ERCC1: variants seen among roughly 807,000 people sequenced by gnomAD.
ERCC1 encodes the protein ERCC excision repair 1, endonuclease non-catalytic subunit.
Under a neutral mutation model 37.6 loss-of-function variants are expected in ERCC1, and 36 were observed. The observed-to-expected ratio is 0.96, with a 90% CI of 0.73 to 1.26. The LOEUF is 1.26. ERCC1 is among the 50% of genes most tolerant of loss of function. The probability of loss-of-function intolerance (pLI) is 0.00; values close to 1 mark genes in which losing one functional copy is unlikely to be tolerated. For missense variants in ERCC1, 349 were observed against 376.5 expected (o/e 0.93, Z 0.60); for synonymous variants, 156 against 162.1 (o/e 0.96, Z 0.28).
At chr19:45,419,993 C>T (rs1392730308) in intron 4 of ERCC1, among the ~76,000 whole-genome samples, 2 of 149,652 alleles carry the variant, frequency 1.3e-5, no homozygotes, top group East Asian at 4.0e-4. Flanking sequence ...GGCCCCCAGC[C>T]CCTCCTGCCT....
At chr19:45,419,373 G>A (rs928987961) in intron 4 of ERCC1, 176 bp from the exon 5 acceptor site, 15 of 609,194 alleles carry the variant, frequency 2.5e-5, no homozygotes, top group African/African-American at 5.5e-5. Flanking sequence ...AAGATGCTCC[G>A]CAGGGATTGG....
chr19:45,434,536 T>C (rs1418945206), intron 1 of ERCC1, among the ~76,000 whole-genome samples: 1 of 152,098 alleles, frequency 6.6e-6, no homozygotes, highest in East Asian at 1.9e-4. Flanking sequence ...CTCTCTTGCC[T>C]TCCAATCGTT....
chr19:45,419,515 T>C (rs142465792), intron 4 of ERCC1: 3 of 368,470 alleles, frequency 8.1e-6, no homozygotes, highest in East Asian at 1.2e-4. Context: ...ACGGGGACAC[T>C]GCATGGCTCG....
chr19:45,414,962 T>TGGGATAAC lies in ERCC1; in HGVS notation c.603-10_603-3dup, dbSNP rs1568579108. 6.2e-7 allele frequency: 1 copy of TGGGATAAC among 1,611,210 alleles called. No homozygotes were observed. The highest frequency in any genetic ancestry group is 1.7e-5 in the Admixed American group (1 of 59,962). ...AGGTACCGCCCAGCTTCCTCGGGGC[T>TGGGATAAC]GGGATAACAGGATACAGGGCAGCCG... On this transcript the variant is annotated splice_polypyrimidine_tract_variant and splice_region_variant and intron_variant, in intron 6 of 9. Coordinates refer to ENST00000300853, the MANE Select transcript of ERCC1 (RefSeq NM_001983.4).
At chr19:45,450,984 G>C (rs1967103999) in intron 1 of ERCC1, among the ~76,000 whole-genome samples, 3 of 151,382 alleles carry the variant, frequency 2.0e-5, no homozygotes, top group African/African-American at 7.3e-5. Context: ...GTCCCGGGCT[G>C]GGTGGCGCGG....
intron 1 of ERCC1, among the ~76,000 whole-genome samples, chr19:45,431,588 A>C (rs1368132477): frequency 6.6e-6 from 1 of 151,850 alleles, no homozygotes; most frequent in Non-Finnish European, 1.5e-5. Context: ...AAGGCAGGAG[A>C]ATCACTTGAA....
At chr19:45,444,277 C>A (rs1975198784) in intron 1 of ERCC1, among the ~76,000 whole-genome samples, 1 of 127,976 alleles carries the variant, frequency 7.8e-6, no homozygotes, top group Non-Finnish European at 1.7e-5. Context: ...CCCCCTCCCC[C>A]AGCCAGCCGC....
chr19:45,408,828 C>T lies in ERCC1; in HGVS notation c.*847G>A. On this transcript the variant is annotated 3_prime_UTR_variant, in exon 10 of 10. Coordinates refer to ENST00000300853, the MANE Select transcript of ERCC1 (RefSeq NM_001983.4). ...CTAGAAGACACAGTCCTGTCCCCGA[C>T]CAAAAAGAGAAAGAGGCAAAAGGGG... is the stretch of plus-strand genomic sequence containing the variant. 1 of 1,613,942 alleles carries T rather than the reference C, an allele frequency of 6.2e-7. No individual in the cohort carries two copies. Among genetic ancestry groups the T allele is most frequent in the Non-Finnish European group, 8.5e-7 (1 of 1,179,996 alleles).
chr19:45,411,990 G>GA (rs1247195006), intron 9 of ERCC1, among the ~76,000 whole-genome samples: 2 of 151,574 alleles, frequency 1.3e-5, no homozygotes, highest in Admixed American at 6.6e-5. Flanking sequence ...CCGAGTAGCT[G>GA]GGACTACAGG....
upstream of ERCC1, among the ~76,000 whole-genome samples, chr19:45,425,616 C>T (rs1974669271): frequency 6.6e-6 from 1 of 151,990 alleles, no homozygotes; most frequent in South Asian, 2.1e-4. Context: ...GTGATCTGCC[C>T]ACCTCAGCCT....
intron 1 of ERCC1, among the ~76,000 whole-genome samples, chr19:45,444,209 T>C (rs922008522): frequency 2.0e-5 from 3 of 150,920 alleles, no homozygotes; most frequent in African/African-American, 7.3e-5. Flanking sequence ...TTCCCTCCTG[T>C]CTCCTCGAAC....
chr19:45,413,328 A>G (rs1973852887), intron 9 of ERCC1: 2 of 555,746 alleles, frequency 3.6e-6, no homozygotes, highest in Non-Finnish European at 6.4e-6. Flanking sequence ...GCGTAGTAAC[A>G]TGCTTATAGC....
chr19:45,441,026 A>C (rs993148121), intron 1 of ERCC1, among the ~76,000 whole-genome samples: 5 of 152,168 alleles, frequency 3.3e-5, no homozygotes, highest in Non-Finnish European at 4.4e-5. Flanking sequence ...GACAGGCATG[A>C]GCTACAGAGC....
At chr19:45,431,400 C>T (rs148956143) in intron 1 of ERCC1, among the ~76,000 whole-genome samples, 28 of 152,112 alleles carry the variant, frequency 1.8e-4, no homozygotes, top group Non-Finnish European at 5.9e-5. Flanking sequence ...CCTGGAGGGC[C>T]GGGAGCAGTG....
intron 1 of ERCC1, among the ~76,000 whole-genome samples, chr19:45,429,551 C>T (rs561114540): frequency 6.6e-6 from 1 of 152,156 alleles, no homozygotes; most frequent in South Asian, 2.1e-4. Flanking sequence ...GGGAGGTGAA[C>T]CAGATATACA....
At chr19:45,426,885 G>A (rs113228865), upstream of ERCC1, among the ~76,000 whole-genome samples, 885 of 151,258 alleles carry the variant, frequency 5.9e-3, 8 homozygotes, top group African/African-American at 0.02. Flanking sequence ...ACTTGAACCC[G>A]GGAGGTGGAA....
At chr19:45,449,485 C>T (rs890865342) in intron 1 of ERCC1, among the ~76,000 whole-genome samples, 1 of 150,790 alleles carries the variant, frequency 6.6e-6, no homozygotes, top group Non-Finnish European at 1.5e-5. Flanking sequence ...TAATGAGACC[C>T]CCGTCTCTAA....
chr19:45,410,115 C>G (rs1410244885), intron 9 of ERCC1: 1 of 155,498 alleles, frequency 6.4e-6, no homozygotes, highest in Non-Finnish European at 1.4e-5. Context: ...TCTCGATCTC[C>G]TGACCTCCTG....
In ERCC1 at chr19:45,408,121, T is replaced by A; in HGVS notation, c.*1554A>T. Reference sequence around the variant, plus strand: ...CCACTTAAGCCTCTGCCCTCCCTGTTTCTCTCTGTAGCTTCAATGGGCGGC... The same window carrying A: ...CCACTTAAGCCTCTGCCCTCCCTGTATCTCTCTGTAGCTTCAATGGGCGGC... On this transcript the variant is annotated 3_prime_UTR_variant, in exon 10 of 10. Coordinates refer to ENST00000300853, the MANE Select transcript of ERCC1 (RefSeq NM_001983.4). 1 of 1,581,984 alleles carries A rather than the reference T, an allele frequency of 6.3e-7. No individual in the cohort carries two copies. Among genetic ancestry groups the A allele is most frequent in the Non-Finnish European group, 8.6e-7 (1 of 1,159,812 alleles).
Sources: gnomAD v4.1 joint callset for allele counts (sites outside exome capture counted in the v4.1 genomes callset) on GRCh38, gnomAD v4.1.1 for gene constraint, MANE v1.5 for transcripts, NCBI Gene and HGNC (gene_info 2026-07-23, HGNC 2026-07-21) for gene names.